Variants in GPI observed in about 807,000 individuals in gnomAD.
GPI encodes D-hexose-6-phosphate anomerase.
Under a neutral mutation model 75.8 loss-of-function variants are expected in GPI, and 56 were observed. The observed-to-expected ratio is 0.74, with a 90% CI of 0.60 to 0.92. The LOEUF (loss-of-function observed/expected upper bound fraction) is 0.92. Among genes scored for constraint, GPI ranks in the 40% least tolerant of loss-of-function variants. The pLI is 0.00. For synonymous variants in GPI, 288 were observed against 285.4 expected, an observed-to-expected ratio of 1.01 and a Z score of -0.09; for missense variants, 638 against 741.0, an observed-to-expected ratio of 0.86 and a Z score of 1.61.
At chr19:34,395,764 G>A (rs977119393) in intron 12 of GPI, among the ~76,000 whole-genome samples, 3 of 152,122 alleles carry the variant, frequency 2.0e-5, no homozygotes, top group South Asian at 4.1e-4. Context: ...CTGTGGACAC[G>A]TGTGCAGGTC....
At chr19:34,371,257 C>T (rs1230447246) in intron 4 of GPI, among the ~76,000 whole-genome samples, 1 of 152,194 alleles carries the variant, frequency 6.6e-6, no homozygotes, top group African/African-American at 2.4e-5. Flanking sequence ...AGGAACATTC[C>T]CCATGGCTGT....
intron 8 of GPI, 30 bp from the exon 9 acceptor site, chr19:34,381,436 A>G: frequency 6.6e-7 from 1 of 1,515,630 alleles, no homozygotes; most frequent in Non-Finnish European, 9.1e-7. Context: ...GCTTCTTTGC[A>G]TTTCTCTCCC....
intron 9 of GPI, among the ~76,000 whole-genome samples, chr19:34,389,411 G>A (rs898943247): frequency 2.4e-4 from 36 of 152,082 alleles, no homozygotes; most frequent in African/African-American, 6.8e-4. Flanking sequence ...TCCACCCTGC[G>A]GTCCCCACCC....
intron 9 of GPI, among the ~76,000 whole-genome samples, chr19:34,386,370 T>G (rs1168090403): frequency 1.3e-5 from 2 of 151,716 alleles, no homozygotes; most frequent in East Asian, 3.9e-4. Context: ...AGGTGTGGTC[T>G]GAGAACCCAG....
At chr19:34,377,945 G>C in intron 6 of GPI, 64 bp downstream of exon 6, 2 of 1,547,848 alleles carry the variant, frequency 1.3e-6, no homozygotes, top group Non-Finnish European at 1.8e-6. Flanking sequence ...AGGGACAGCT[G>C]TCTTGCCATC....
intron 14 of GPI, chr19:34,398,500 C>G (rs757153689): frequency 6.6e-6 from 1 of 151,642 alleles, no homozygotes; most frequent in African/African-American, 2.4e-5. Context: ...TTCGAGACAC[C>G]GTTTCACTTT....
At chr19:34,381,372 A>C (rs2074648249) in intron 8 of GPI, 94 bp from the exon 9 acceptor site, 1 of 867,280 alleles carries the variant, frequency 1.2e-6, no homozygotes, top group African/African-American at 1.7e-5. Context: ...GGCTCAGCTC[A>C]CGGAGCACAG....
At position 34,393,755 on chromosome 19, in the gene GPI, C is replaced by T. The variant is rs763375030; in HGVS notation, c.893C>T (p.Ser298Leu). 37 of 1,613,168 alleles carry T rather than the reference C, an allele frequency of 2.3e-5. No individual in the cohort carries two copies. The East Asian group carries it at 4.7e-4, about 20-fold the overall frequency. The change falls in exon 11 of 18, where the codon TCG becomes TTG. Residue 298 changes from serine to leucine, a missense_variant. Transcript: ENST00000356487. The surrounding 1 kb of genome is among the most constrained non-coding windows in gnomAD (Gnocchi z 4.4). ...VGFDNFEQLL[S>L]GAHWMDQHFR... is the part of the protein sequence containing the mutation. ...TTTGACAACTTCGAGCAGCTGCTCT[C>T]GGGGGCTCACTGGATGGTGAGTGCT...
chr19:34,393,061 TC>T lies in GPI; in HGVS notation c.805-186del. ...TTTGTCTTGTGGCTGTGGTCAGTCA[TC>T]TGTAGTCTGCCCTGTTGGTCTTCCC... On this transcript the variant is annotated intron_variant, in intron 9 of 17. Coordinates refer to ENST00000356487, the MANE Select transcript of GPI (RefSeq NM_000175.5). The surrounding 1 kb of genome is among the most constrained non-coding windows in gnomAD (Gnocchi z 4.4). 3.1e-6 allele frequency: 2 copies of T among 653,848 alleles called. No individual in the cohort carries two copies. Among genetic ancestry groups the T allele is most frequent in the South Asian group, 3.3e-5 (2 of 60,076 alleles). 40.5% of individuals were successfully genotyped at this position (653,848 alleles called of 1,614,324 possible).
intron 4 of GPI, among the ~76,000 whole-genome samples, chr19:34,374,144 TTTTTTTTTTA>T (rs1299880333): frequency 1.3e-5 from 2 of 150,040 alleles, no homozygotes; most frequent in Non-Finnish European, 3.0e-5. Context: ...TTTTTTTTTT[TTTTTTTTTTA>T]AATTTTTTTA....
At chr19:34,375,857 G>C (rs769621957) in intron 4 of GPI, among the ~76,000 whole-genome samples, 1 of 152,174 alleles carries the variant, frequency 6.6e-6, no homozygotes, top group Non-Finnish European at 1.5e-5. Context: ...TCCCAGCACA[G>C]GCGGAAGCTA....
At chr19:34,390,831 AG>A (rs2074813417) in intron 9 of GPI, among the ~76,000 whole-genome samples, 2 of 139,168 alleles carry the variant, frequency 1.4e-5, no homozygotes, top group African/African-American at 5.5e-5. Context: ...TGGGTCTTCC[AG>A]TGTCTGAGGA....
intron 9 of GPI, among the ~76,000 whole-genome samples, chr19:34,390,674 G>A (rs1236082543): frequency 6.6e-6 from 1 of 151,742 alleles, no homozygotes; most frequent in African/African-American, 2.4e-5. Flanking sequence ...TGAAATCTGG[G>A]TCTTCCTGTG....
Position 34,379,017 on chromosome 19 carries a change from A to C in GPI, c.705+12A>C. Reference sequence around the variant, plus strand: ...AGGCGGCCAAGGATGTGAGTGGGCTATAGGGCCTTCCTCGTGGTTAGCCTC... The same window carrying C: ...AGGCGGCCAAGGATGTGAGTGGGCTCTAGGGCCTTCCTCGTGGTTAGCCTC... On this transcript the variant is annotated intron_variant, in intron 7 of 17. Coordinates refer to ENST00000356487, the MANE Select transcript of GPI (RefSeq NM_000175.5). The C allele has an allele frequency of 6.2e-7, 1 of 1,611,094 alleles. No individual in the cohort carries two copies. The highest frequency in any genetic ancestry group is 8.5e-7 in the Non-Finnish European group (1 of 1,177,184).
chr19:34,393,872 C>A lies in GPI; in HGVS notation c.910-42C>A. On this transcript the variant is annotated intron_variant, in intron 11 of 17. Coordinates refer to ENST00000356487, the MANE Select transcript of GPI (RefSeq NM_000175.5). This position sits in a 1 kb window ranked among gnomAD's most constrained non-coding sequence, Gnocchi z 4.4. ...CCCACTGTCCTGTCCCTCCCCTCCCCGTGCAGCTGCTCAGCTCCCACTCAT... is the reference window on the plus strand; with the variant it reads ...CCCACTGTCCTGTCCCTCCCCTCCCAGTGCAGCTGCTCAGCTCCCACTCAT... 6.2e-7 allele frequency: 1 copy of A among 1,610,958 alleles called. No individual in the cohort carries two copies. Among genetic ancestry groups the A allele is most frequent in the South Asian group, 1.1e-5 (1 of 91,024 alleles).
intron 9 of GPI, among the ~76,000 whole-genome samples, chr19:34,382,971 A>G (rs1392743542): frequency 6.6e-6 from 1 of 152,176 alleles, no homozygotes; most frequent in African/African-American, 2.4e-5. Context: ...GGATAGGAGC[A>G]GGCGAAGTTC....
chr19:34,360,873 G>C (rs2074297642), upstream of GPI, among the ~76,000 whole-genome samples: 2 of 151,984 alleles, frequency 1.3e-5, no homozygotes, highest in South Asian at 4.2e-4. Context: ...TGCCACCCGG[G>C]TTCAAGTGAT....
chr19:34,380,149 A>G (rs1264649551), intron 8 of GPI, among the ~76,000 whole-genome samples: 1 of 150,290 alleles, frequency 6.7e-6, no homozygotes, highest in African/African-American at 2.5e-5. Context: ...GGTGCACGCC[A>G]CCATGCCCAG....
intron 4 of GPI, among the ~76,000 whole-genome samples, chr19:34,369,597 C>A (rs897259553): frequency 1.3e-5 from 2 of 151,984 alleles, no homozygotes; most frequent in African/African-American, 4.8e-5. Flanking sequence ...ATCCCAGCTA[C>A]TTGGGAGACT....
Sources: allele counts gnomAD v4.1 joint callset (sites outside exome capture counted in the v4.1 genomes callset), GRCh38; gene constraint gnomAD v4.1.1; non-coding constraint Gnocchi (gnomAD v3.1); transcripts MANE v1.5; gene names NCBI Gene and HGNC (gene_info 2026-07-23, HGNC 2026-07-21).